Variants in SUN5 observed in about 807,000 individuals in gnomAD.
SUN5 encodes Sad1 and UNC84 domain containing 5.
Under a neutral mutation model 53.7 loss-of-function variants are expected in SUN5, and 44 were observed. The observed-to-expected ratio is 0.82, with a 90% CI of 0.64 to 1.05. The LOEUF is 1.05. Among genes scored for constraint, SUN5 ranks in the 50% least tolerant of loss-of-function variants. SUN5 has a pLI of 0.00. For synonymous variants in SUN5, 166 were observed against 179.8 expected, an observed-to-expected ratio of 0.92 and a Z score of 0.62; for missense variants, 433 against 483.8, an observed-to-expected ratio of 0.90 and a Z score of 0.98.
intron 10 of SUN5, 118 bp from the exon 11 acceptor site, chr20:32,986,021 C>G: frequency 8.0e-7 from 1 of 1,244,256 alleles, no homozygotes; most frequent in Non-Finnish European, 1.1e-6. Context: ...GTCTCCAAAG[C>G]TTGGCTCAAG....
At chr20:32,993,167 G>A (rs957104105) in intron 8 of SUN5, among the ~76,000 whole-genome samples, 1 of 152,176 alleles carries the variant, frequency 6.6e-6, no homozygotes, top group African/African-American at 2.4e-5. Flanking sequence ...TGCTGCTGTG[G>A]GAAATCACCA....
chr20:33,003,123 C>A (rs1409815346), intron 1 of SUN5, among the ~76,000 whole-genome samples: 1 of 152,182 alleles, frequency 6.6e-6, no homozygotes, highest in Non-Finnish European at 1.5e-5. Context: ...GTTGCTGTGG[C>A]AGTCACAGGC....
intron 1 of SUN5, 71 bp from the exon 2 acceptor site, chr20:33,002,990 C>A: frequency 6.4e-7 from 1 of 1,552,244 alleles, no homozygotes; most frequent in Non-Finnish European, 8.8e-7. Context: ...ATGTGCATAC[C>A]ACGTTCCAGA....
At chr20:32,986,802 C>T (rs915193305) in intron 10 of SUN5, among the ~76,000 whole-genome samples, 1 of 152,216 alleles carries the variant, frequency 6.6e-6, no homozygotes, top group African/African-American at 2.4e-5. Context: ...CACTGCCCGC[C>T]GCGTCCCCCG....
At chr20:33,002,834 A>G in intron 2 of SUN5, 27 bp downstream of exon 2, 1 of 1,613,558 alleles carries the variant, frequency 6.2e-7, no homozygotes, top group Non-Finnish European at 8.5e-7. Flanking sequence ...TGCCCATGAA[A>G]ATACCAGGGC....
chr20:33,001,563 T>TTTC lies in SUN5; in HGVS notation c.212-286_212-285insGAA, dbSNP rs764253037. 5.4e-3 allele frequency among the ~76,000 whole-genome samples: 492 copies of TTTC among 91,016 alleles called. 2 individuals are homozygous for TTTC. The highest frequency in any genetic ancestry group is 0.018 in the African/African-American group (294 of 16,702). 59.7% of individuals were successfully genotyped at this position (91,016 alleles called of 152,430 possible). ...CTTTCTTTCTTTCTTTCTTTCTTTC[T>TTTC]TTTCTTCCTTCCTTCCTTTCTTTCT... On this transcript the variant is annotated intron_variant, in intron 3 of 12. Transcript: ENST00000356173.
chr20:32,995,837 C>G (rs1351000524), intron 7 of SUN5, 110 bp from the exon 8 acceptor site: 1 of 993,228 alleles, frequency 1.0e-6, no homozygotes, highest in African/African-American at 1.6e-5. Context: ...TCAGATTTTC[C>G]TAATCTCTTG....
chr20:32,999,158 C>T (rs1378553013), intron 5 of SUN5, among the ~76,000 whole-genome samples: 1 of 152,156 alleles, frequency 6.6e-6, no homozygotes, highest in Non-Finnish European at 1.5e-5. Context: ...GGTGTCTTGC[C>T]TTGTGTTATA....
intron 6 of SUN5, among the ~76,000 whole-genome samples, chr20:32,996,813 C>T (rs1188008097): frequency 2.0e-5 from 3 of 152,288 alleles, no homozygotes; most frequent in East Asian, 3.9e-4. Flanking sequence ...CCTCCTATCT[C>T]TTTCCCCTAG....
intron 8 of SUN5, among the ~76,000 whole-genome samples, chr20:32,994,182 T>C (rs1431608575): frequency 6.6e-6 from 1 of 152,228 alleles, no homozygotes; most frequent in African/African-American, 2.4e-5. Flanking sequence ...TAAATTTTTT[T>C]AAAATTGTGA....
intron 8 of SUN5, among the ~76,000 whole-genome samples, chr20:32,995,042 TCTA>T (rs1989808356): frequency 1.3e-5 from 2 of 152,078 alleles, no homozygotes; most frequent in Non-Finnish European, 2.9e-5. Context: ...CATAAAGCAC[TCTA>T]AAGGCTTTCA....
At chr20:33,001,170 T>G (rs1989995577) in intron 4 of SUN5, 42 bp downstream of exon 4, 4 of 1,553,086 alleles carry the variant, frequency 2.6e-6, no homozygotes, top group Non-Finnish European at 3.5e-6. Flanking sequence ...CAGCTGCCAT[T>G]TCCCACTCCC....
chr20:32,985,683 A>G, intron 11 of SUN5, 53 bp downstream of exon 11: 1 of 1,590,932 alleles, frequency 6.3e-7, no homozygotes, highest in Non-Finnish European at 8.6e-7. Flanking sequence ...GAATATCACC[A>G]TTGGAAGGTT....
chr20:32,985,490 C>T (rs904550782), intron 11 of SUN5, among the ~76,000 whole-genome samples: 14 of 151,942 alleles, frequency 9.2e-5, no homozygotes, highest in African/African-American at 3.4e-4. Context: ...AAAATGGGGG[C>T]TCCATGGTCT....
intron 8 of SUN5, among the ~76,000 whole-genome samples, chr20:32,990,385 T>C (rs1290178770): frequency 6.6e-6 from 1 of 152,122 alleles, no homozygotes; most frequent in Non-Finnish European, 1.5e-5. Flanking sequence ...CTCTTCACAG[T>C]GGTGGAAGAT....
intron 3 of SUN5, among the ~76,000 whole-genome samples, chr20:33,001,536 T>TTCTTTCTTTC (rs1990020603): frequency 7.4e-6 from 1 of 135,428 alleles, no homozygotes; most frequent in African/African-American, 3.5e-5. Context: ...CTTTCTTTCT[T>TTCTTTCTTTC]TCTTTCTTTC....
chr20:33,002,722 C>G, intron 2 of SUN5, 61 bp from the exon 3 acceptor site: 1 of 1,607,760 alleles, frequency 6.2e-7, no homozygotes. Flanking sequence ...CTTGCAGAGA[C>G]CTAGGGAGCA....
chr20:32,995,772 C>A (rs73119670), intron 7 of SUN5, 45 bp from the exon 8 acceptor site: 1 of 1,548,842 alleles, frequency 6.5e-7, no homozygotes, highest in East Asian at 2.2e-5. Flanking sequence ...ATTTGTGATG[C>A]GTTGTTGTTA....
chr20:32,999,748 G>A (rs1046655822), intron 5 of SUN5: 1 of 647,372 alleles, frequency 1.5e-6, no homozygotes, highest in Admixed American at 3.0e-5. Flanking sequence ...GTCAGTGGAG[G>A]GAGGAGATTC....
Sources: gnomAD v4.1 joint callset for allele counts (sites outside exome capture counted in the v4.1 genomes callset) on GRCh38, gnomAD v4.1.1 for gene constraint, MANE v1.5 for transcripts, NCBI Gene and HGNC (gene_info 2026-07-23, HGNC 2026-07-21) for gene names.